The following MMS22L variants were observed in gnomAD, a reference collection of about 807,000 sequenced individuals.
MMS22L encodes the protein MMS22 like, DNA repair protein.
Under a neutral mutation model 159.1 loss-of-function variants are expected in MMS22L, and 74 were observed. That is an observed-to-expected ratio of 0.47 (90% CI 0.39 to 0.56). The LOEUF is 0.56. Ranked by LOEUF, MMS22L falls within the 20% of genes least tolerant of loss-of-function variation. MMS22L has a pLI of 0.00. For missense variants in MMS22L, 1,351 were observed against 1,422.1 expected, an observed-to-expected ratio of 0.95 and a Z score of 0.80; for synonymous variants, 517 against 506.9, an observed-to-expected ratio of 1.02 and a Z score of -0.27.
At chr6:97,204,881 A>G in intron 14 of MMS22L, among the ~76,000 whole-genome samples, 1 of 105,784 alleles carries the variant, frequency 9.5e-6, no homozygotes, top group Non-Finnish European at 2.1e-5. Flanking sequence ...CTAGCCAGAG[A>G]GCTGGCAATT....
At chr6:97,199,379 G>T (rs1230487901) in intron 14 of MMS22L, among the ~76,000 whole-genome samples, 1 of 152,028 alleles carries the variant, frequency 6.6e-6, no homozygotes, top group Non-Finnish European at 1.5e-5. Flanking sequence ...CCGTCACAGT[G>T]AAATTTGCTT....
At chr6:97,229,829 T>C (rs545601835) in intron 13 of MMS22L, among the ~76,000 whole-genome samples, 1 of 152,308 alleles carries the variant, frequency 6.6e-6, no homozygotes, top group African/African-American at 2.4e-5. Context: ...TTAAACTCTT[T>C]TCTCCCTGCA....
chr6:97,253,891 C>T (rs1392758137), intron 10 of MMS22L: 1 of 152,108 alleles, frequency 6.6e-6, no homozygotes, highest in East Asian at 1.9e-4. Context: ...TTTTATGGAG[C>T]TGATAGGCTG....
At chr6:97,242,916 C>T (rs189961076) in intron 11 of MMS22L, among the ~76,000 whole-genome samples, 511 of 152,304 alleles carry the variant, frequency 3.4e-3, no homozygotes, top group Non-Finnish European at 5.2e-3. Flanking sequence ...CAAATCCCTT[C>T]TAGCTTGTAT....
intron 11 of MMS22L, among the ~76,000 whole-genome samples, chr6:97,240,746 C>T (rs1320695750): frequency 6.6e-6 from 1 of 152,052 alleles, no homozygotes; most frequent in Non-Finnish European, 1.5e-5. Context: ...CCTGCCACAG[C>T]CTCCTGAGAA....
Position 97,229,315 on chromosome 6 carries a change from C to G in MMS22L, c.1618G>C (p.Ala540Pro). The G allele has an allele frequency of 1.9e-6, 3 of 1,614,014 alleles. No individual in the cohort carries two copies. Among genetic ancestry groups the G allele is most frequent in the Non-Finnish European group, 2.5e-6 (3 of 1,179,970 alleles). Reference sequence around the variant, plus strand: ...GCAACATCTTCTACCTCTGCAACAGCTGCTAACAGTAGAAAAAGGCTAAAA... The same window carrying G: ...GCAACATCTTCTACCTCTGCAACAGGTGCTAACAGTAGAAAAAGGCTAAAA... ...NFFSLFLLLA[A>P]VAEVEDVASH... The change falls in exon 14 of 25, where the codon GCT (alanine) becomes CCT (proline). Residue 540 changes from alanine to proline, a missense_variant. Transcript: ENST00000683635.
intron 22 of MMS22L, 134 bp downstream of exon 22, chr6:97,161,868 C>T: frequency 1.2e-6 from 1 of 823,038 alleles, no homozygotes; most frequent in Non-Finnish European, 1.8e-6. Flanking sequence ...GGAGTTTATT[C>T]TTTAACCATG....
chr6:97,201,202 ATAATG>A (rs1325155671), intron 14 of MMS22L, among the ~76,000 whole-genome samples: 4 of 152,208 alleles, frequency 2.6e-5, no homozygotes, highest in African/African-American at 9.6e-5. Flanking sequence ...TATTTGAATA[ATAATG>A]TAATAATAAA....
At chr6:97,215,830 CTA>C (rs1413649690) in intron 14 of MMS22L, among the ~76,000 whole-genome samples, 1 of 152,102 alleles carries the variant, frequency 6.6e-6, no homozygotes. Context: ...CCCCCTGTTG[CTA>C]TGAGCTCACC....
intron 14 of MMS22L, among the ~76,000 whole-genome samples, chr6:97,216,927 T>A (rs1397375026): frequency 2.6e-5 from 4 of 152,256 alleles, no homozygotes. Context: ...CCTAAACAAC[T>A]GAATTGATCC....
intron 11 of MMS22L, among the ~76,000 whole-genome samples, chr6:97,239,881 A>G (rs1245480078): frequency 6.6e-6 from 1 of 152,238 alleles, no homozygotes; most frequent in Non-Finnish European, 1.5e-5. Flanking sequence ...ACTCCAATCC[A>G]GCCTGGGTGA....
chr6:97,281,137 C>A, intron 3 of MMS22L, 100 bp downstream of exon 3: 1 of 1,162,742 alleles, frequency 8.6e-7, no homozygotes, highest in Non-Finnish European at 1.2e-6. Context: ...AGCACAATTC[C>A]TCTGGTCTTT....
At chr6:97,237,245 C>G (rs1811519086) in intron 11 of MMS22L, among the ~76,000 whole-genome samples, 1 of 152,080 alleles carries the variant, frequency 6.6e-6, no homozygotes, top group South Asian at 2.1e-4. Flanking sequence ...CGATTATACC[C>G]AATAACGTCA....
chr6:97,228,228 T>C (rs1175457254), intron 14 of MMS22L, among the ~76,000 whole-genome samples: 2 of 152,166 alleles, frequency 1.3e-5, no homozygotes, highest in African/African-American at 4.8e-5. Context: ...TACACTTTTC[T>C]GAGAGGTAGC....
At chr6:97,212,390 C>A (rs2127948765) in intron 14 of MMS22L, among the ~76,000 whole-genome samples, 1 of 152,240 alleles carries the variant, frequency 6.6e-6, no homozygotes, top group South Asian at 2.1e-4. Flanking sequence ...AAATAGTATT[C>A]TTTTCATGGA....
intron 15 of MMS22L, 84 bp from the exon 16 acceptor site, chr6:97,182,138 G>T: frequency 5.1e-5 from 49 of 963,828 alleles, no homozygotes; most frequent in Non-Finnish European, 5.9e-5. Flanking sequence ...ATTATAACAA[G>T]TGTTTTTTTT....
intron 16 of MMS22L, 94 bp downstream of exon 16, chr6:97,181,810 G>C: frequency 7.5e-7 from 1 of 1,337,450 alleles, no homozygotes; most frequent in Non-Finnish European, 1.0e-6. Flanking sequence ...ATGTAGTAGA[G>C]ATCAGTCCTC....
chr6:97,244,895 C>T (rs1812465438), intron 11 of MMS22L, among the ~76,000 whole-genome samples: 1 of 151,968 alleles, frequency 6.6e-6, no homozygotes, highest in Admixed American at 6.6e-5. Context: ...TGGGCGGGGG[C>T]AGTTCTCAGG....
At chr6:97,170,198 A>G (rs529248131) in intron 19 of MMS22L, among the ~76,000 whole-genome samples, 87 of 152,186 alleles carry the variant, frequency 5.7e-4, no homozygotes, top group Non-Finnish European at 1.1e-3. Context: ...GGTGTTGAAC[A>G]TATCCCTCAT....
Sources: gnomAD v4.1 joint callset for allele counts (sites outside exome capture counted in the v4.1 genomes callset) on GRCh38, gnomAD v4.1.1 for gene constraint, MANE v1.5 for transcripts, NCBI Gene and HGNC (gene_info 2026-07-23, HGNC 2026-07-21) for gene names.